GABBR1: variants seen among roughly 807,000 people sequenced by gnomAD.
GABBR1 encodes the protein gamma-aminobutyric acid type B receptor subunit 1.
In GABBR1, 35 loss-of-function variants were observed where a neutral mutation model predicts 117.7. That is an observed-to-expected ratio of 0.30 (90% confidence interval 0.23 to 0.39). The LOEUF is 0.39. GABBR1 is among the 10% of genes least tolerant of loss of function. The pLI, the probability that GABBR1 is intolerant of heterozygous loss-of-function variation, is 1.00. For missense variants in GABBR1, 709 were observed against 1,241.8 expected (o/e 0.57, Z 6.45); for synonymous variants, 442 against 486.6 (o/e 0.91, Z 1.21).
In GABBR1 at chr6:29,627,440, G is replaced by T. The variant is rs1562120724; in HGVS notation, c.657+46C>A. 9 of 1,366,110 alleles carry T rather than the reference G, an allele frequency of 6.6e-6. No homozygotes were observed. The highest frequency in any genetic ancestry group is 7.1e-6 in the Non-Finnish European group (7 of 989,506). The allele number at this position is 1,366,110 out of a possible 1,614,324, so 84.6% of individuals were successfully genotyped here. ...GGCGCGTGCAGCTGGCTGGCCCCCT[G>T]CCCCGCAAGCCCCCACCTCCCACCC... On this transcript the variant is annotated intron_variant, in intron 6 of 22. Transcript: ENST00000377034. The surrounding 1 kb of genome is among the most constrained non-coding windows in gnomAD (Gnocchi z 4.4).
chr6:29,615,032 T>G (rs1762933685), intron 11 of GABBR1, among the ~76,000 whole-genome samples: 1 of 134,470 alleles, frequency 7.4e-6, no homozygotes, highest in Non-Finnish European at 1.6e-5. Flanking sequence ...ACACCTTTAA[T>G]CCTAGCACTT....
At position 29,606,292 on chromosome 6, in the gene GABBR1, C is replaced by A; in HGVS notation, c.2311+99G>T. The A allele has an allele frequency of 1.2e-6, 1 of 822,360 alleles. No individual in the cohort carries two copies. The allele number at this position is 822,360 out of a possible 1,614,324, so 50.9% of individuals were successfully genotyped here. ...TCAAACTGGGTTGACAAGCTCTCTA[C>A]CTCCTCTTCCAAAGACCCCTCTCCC... On this transcript the variant is annotated intron_variant, in intron 19 of 22. Transcript: ENST00000377034. The surrounding 1 kb of genome is among the most constrained non-coding windows in gnomAD (Gnocchi z 4.5).
At chr6:29,615,620 A>AAAAT (rs1763002960) in intron 11 of GABBR1, among the ~76,000 whole-genome samples, 1 of 151,716 alleles carries the variant, frequency 6.6e-6, no homozygotes, top group South Asian at 2.1e-4. Flanking sequence ...AAAAAAAAAA[A>AAAAT]AAAAAAAAGG....
rs1362045271 is a variant in GABBR1 at position 29,607,231 on chromosome 6, A to G, written c.1993-13T>C. On this transcript the variant is annotated splice_polypyrimidine_tract_variant and intron_variant, in intron 16 of 22. Coordinates refer to ENST00000377034, the MANE Select transcript of GABBR1 (RefSeq NM_001470.4). This position sits in a 1 kb window ranked among gnomAD's most constrained non-coding sequence, Gnocchi z 5.0. The stretch of plus-strand genomic sequence containing the variant: ...GCCAGAGGCGGGCCTAGAAAGGAAG[A>G]GAGGGCACAGGCAGAACAGGGTAGA... 6.2e-7 allele frequency: 1 copy of G among 1,603,278 alleles called. No homozygotes were observed. Among genetic ancestry groups the G allele is most frequent in the Non-Finnish European group, 8.5e-7 (1 of 1,170,346 alleles).
At position 29,605,946 on chromosome 6, in the gene GABBR1, G is replaced by A; in HGVS notation, c.2312-250C>T. On this transcript the variant is annotated intron_variant, in intron 19 of 22. Coordinates refer to ENST00000377034, the MANE Select transcript of GABBR1 (RefSeq NM_001470.4). This position sits in a 1 kb window ranked among gnomAD's most constrained non-coding sequence, Gnocchi z 4.2. Reference sequence around the variant, plus strand: ...ATGGTGGCAAGCTGCTGTCAGTCAGGCAAGGGCTTGTTGAATATCTAGAAA... The same window carrying A: ...ATGGTGGCAAGCTGCTGTCAGTCAGACAAGGGCTTGTTGAATATCTAGAAA... 1.7e-6 allele frequency: 1 copy of A among 576,682 alleles called. No homozygotes were observed. The highest frequency in any genetic ancestry group is 3.1e-6 in the Non-Finnish European group (1 of 323,686). 35.7% of individuals were successfully genotyped at this position (576,682 alleles called of 1,614,324 possible).
rs113365955 is a variant in GABBR1, at chr6:29,630,170, G to A, written c.475+288C>T. The A allele has an allele frequency of 7.9e-4, 309 of 393,594 alleles. 1 individual carries two copies. The highest frequency in any genetic ancestry group is 5.0e-3 in the African/African-American group (248 of 50,054). 24.4% of individuals were successfully genotyped at this position (393,594 alleles called of 1,614,324 possible). ...ATTTAAACCTGAAGAAGGTGAGAGA[G>A]GTGAGATTCATAAAGGAAAAGAGAA... On this transcript the variant is annotated intron_variant, in intron 4 of 22. Coordinates refer to ENST00000377034, the MANE Select transcript of GABBR1 (RefSeq NM_001470.4). The surrounding 1 kb of genome is among the most constrained non-coding windows in gnomAD (Gnocchi z 4.9).
intron 4 of GABBR1, 170 bp from the exon 5 acceptor site, chr6:29,629,277 G>A (rs759037162): frequency 5.4e-6 from 4 of 745,702 alleles, no homozygotes; most frequent in Middle Eastern, 2.2e-4. Flanking sequence ...GGGTCTGGGG[G>A]TAAGGGGGTC....
In GABBR1 at chr6:29,621,796, C is replaced by T; in HGVS notation, c.1087G>A (p.Val363Met). The T allele has an allele frequency of 1.2e-6, 2 of 1,614,148 alleles. No individual in the cohort carries two copies. The highest frequency in any genetic ancestry group is 1.7e-6 in the Non-Finnish European group (2 of 1,180,018). Residue 363 changes from valine (V) to methionine (M), a missense_variant, in exon 10 of 23, where the codon GTG (valine) becomes ATG (methionine). By Grantham distance (21) the Val-to-Met change is conservative. This residue lies in a region of GABBR1 where 192 missense variants were observed against 418.4 expected (regional missense o/e 0.46). Coordinates refer to ENST00000377034, the MANE Select transcript of GABBR1 (RefSeq NM_001470.4). The surrounding 1 kb of genome is among the most constrained non-coding windows in gnomAD (Gnocchi z 5.0). Reference sequence around the variant, plus strand: ...GCTTCAGTCTCATAGAAAAGTCCCACGATGATTCGGGCATCCTGGCGCTAC... The same window carrying T: ...GCTTCAGTCTCATAGAAAAGTCCCATGATGATTCGGGCATCCTGGCGCTAC... ...NLKRQDARII[V>M]GLFYETEARK...
Position 29,602,863 on chromosome 6 carries a change from T to G in GABBR1, c.*680A>C. On this transcript the variant is annotated 3_prime_UTR_variant, in exon 23 of 23. Transcript: ENST00000377034. ...TGAATGCAGGGCACCCGAGAGCACA[T>G]GTGACTGAACATGAAGAAAGCATAC... is the stretch of plus-strand genomic sequence containing the variant. 2.7e-6 allele frequency: 1 copy of G among 372,828 alleles called. No individual in the cohort carries two copies. Among genetic ancestry groups the G allele is most frequent in the African/African-American group, 2.1e-5 (1 of 47,276 alleles). The allele number at this position is 372,828 out of a possible 1,614,324, so 23.1% of individuals were successfully genotyped here. A position where few individuals can be genotyped will look rare whatever the true frequency, so the allele number is the denominator to read the frequency against.
At position 29,609,624 on chromosome 6, in the gene GABBR1, T is replaced by C. The variant is rs1022092202; in HGVS notation, c.1709-245A>G. 6.6e-6 allele frequency among the ~76,000 whole-genome samples: 1 copy of C among 152,164 alleles called. No homozygotes were observed. The highest frequency in any genetic ancestry group is 2.4e-5 in the African/African-American group (1 of 41,438). On this transcript the variant is annotated intron_variant, in intron 14 of 22. Transcript: ENST00000377034. This position sits in a 1 kb window ranked among gnomAD's most constrained non-coding sequence, Gnocchi z 4.3. ...GAAGATGGAGTGAATGGTCTATCCA[T>C]AGGTTGGGAAATGCTGAGGCATGTC... is the stretch of plus-strand genomic sequence containing the variant.
chr6:29,621,803 T>A lies in GABBR1; in HGVS notation c.1080A>T (p.Arg360=), dbSNP rs1763777181. Residue 360 remains arginine (R), a synonymous_variant, in exon 10 of 23, where the codon CGA becomes CGT. Transcript: ENST00000377034. This position sits in a 1 kb window ranked among gnomAD's most constrained non-coding sequence, Gnocchi z 5.0. The part of the protein sequence containing the change: ...PVKNLKRQDA[R]IIVGLFYETE... ...TCTCATAGAAAAGTCCCACGATGAT[T>A]CGGGCATCCTGGCGCTACAACAGAG... 2 of 1,613,980 alleles carry A rather than the reference T, an allele frequency of 1.2e-6. No homozygotes were observed. Among genetic ancestry groups the A allele is most frequent in the Non-Finnish European group, 1.7e-6 (2 of 1,180,026 alleles).
chr6:29,623,185 A>T lies in GABBR1; in HGVS notation c.963+120T>A. 1 of 865,020 alleles carries T rather than the reference A, an allele frequency of 1.2e-6. No homozygotes were observed. The highest frequency in any genetic ancestry group is 2.5e-4 in the Middle Eastern group (1 of 4,040). 53.6% of individuals were successfully genotyped at this position (865,020 alleles called of 1,614,324 possible). ...AAAGAACTGCACTTAATCCACATGG[A>T]ATGCGTTCTCTTTCAATGAAGAATC... On this transcript the variant is annotated intron_variant, in intron 8 of 22. Transcript: ENST00000377034. The surrounding 1 kb of genome is among the most constrained non-coding windows in gnomAD (Gnocchi z 6.2).
At chr6:29,617,301 C>CTTTTTTTTTT (rs373993426) in intron 11 of GABBR1, among the ~76,000 whole-genome samples, 8 of 119,860 alleles carry the variant, frequency 6.7e-5, no homozygotes, top group African/African-American at 9.4e-5. Context: ...TTCTTTCTTT[C>CTTTTTTTTTT]TTTTTTTTTT....
chr6:29,610,247 A>G (rs542974993), intron 14 of GABBR1, among the ~76,000 whole-genome samples: 1 of 152,076 alleles, frequency 6.6e-6, no homozygotes, highest in South Asian at 2.1e-4. Flanking sequence ...ATGTCCTATC[A>G]TTTAGACCAA....
chr6:29,622,269 A>T lies in GABBR1; in HGVS notation c.964-64T>A. 2 of 1,082,050 alleles carry T rather than the reference A, an allele frequency of 1.8e-6. No individual in the cohort carries two copies. The highest frequency in any genetic ancestry group is 2.8e-6 in the Non-Finnish European group (2 of 704,240). The allele number at this position is 1,082,050 out of a possible 1,614,324, so 67.0% of individuals were successfully genotyped here. ...GTGCATGAGGGAATAAAGACCAGAGAGGTTAACTGGGGATTTCAGAGCAAT... is the reference window on the plus strand; with the variant it reads ...GTGCATGAGGGAATAAAGACCAGAGTGGTTAACTGGGGATTTCAGAGCAAT... On this transcript the variant is annotated intron_variant, in intron 8 of 22. Transcript: ENST00000377034. This position sits in a 1 kb window ranked among gnomAD's most constrained non-coding sequence, Gnocchi z 4.6.
At chr6:29,626,868 C>G (rs1401763758) in intron 6 of GABBR1, among the ~76,000 whole-genome samples, 1 of 152,060 alleles carries the variant, frequency 6.6e-6, no homozygotes, top group Non-Finnish European at 1.5e-5. Flanking sequence ...TTAGCCTTCC[C>G]CAATCACCAT....
At position 29,632,490 on chromosome 6, in the gene GABBR1, C is replaced by G. The variant is rs1002136988; in HGVS notation, c.1-105G>C. On this transcript the variant is annotated intron_variant, in intron 1 of 22. Transcript: ENST00000377034. This position sits in a 1 kb window ranked among gnomAD's most constrained non-coding sequence, Gnocchi z 5.8. ...GGTTGCCTCGCAGGCTCCGACCGGG[C>G]TCAGCCTGGGGACCAAGAGAGCGCC... 9.3e-7 allele frequency: 1 copy of G among 1,079,742 alleles called. No homozygotes were observed. Among genetic ancestry groups the G allele is most frequent in the Non-Finnish European group, 1.2e-6 (1 of 804,648 alleles). 66.9% of individuals were successfully genotyped at this position (1,079,742 alleles called of 1,614,324 possible).
At chr6:29,618,388 T>TA (rs1474671392) in intron 11 of GABBR1, among the ~76,000 whole-genome samples, 1 of 152,314 alleles carries the variant, frequency 6.6e-6, no homozygotes, top group Admixed American at 6.5e-5. Flanking sequence ...TCAGTAAAGA[T>TA]ACAGTTATAG....
At position 29,606,856 on chromosome 6, in the gene GABBR1, T is replaced by G. The variant is rs754921467; in HGVS notation, c.2217+41A>C. On this transcript the variant is annotated intron_variant, in intron 18 of 22. Coordinates refer to ENST00000377034, the MANE Select transcript of GABBR1 (RefSeq NM_001470.4). This position sits in a 1 kb window ranked among gnomAD's most constrained non-coding sequence, Gnocchi z 4.5. Reference sequence around the variant, plus strand: ...CAGGGCCCTGATGGCCACTGAGCCCTGCTCATTCTCCTGACCATAGCACCT... The same window carrying G: ...CAGGGCCCTGATGGCCACTGAGCCCGGCTCATTCTCCTGACCATAGCACCT... The G allele has an allele frequency of 6.4e-7, 1 of 1,556,072 alleles. No individual in the cohort carries two copies. The highest frequency in any genetic ancestry group is 8.9e-7 in the Non-Finnish European group (1 of 1,128,034).
Sources: gnomAD v4.1 joint callset for allele counts (sites outside exome capture counted in the v4.1 genomes callset) on GRCh38, gnomAD v4.1.1 for gene constraint, gnomAD v4.1.1 regional missense constraint, Gnocchi (gnomAD v3.1) non-coding constraint, MANE v1.5 for transcripts, NCBI Gene and HGNC (gene_info 2026-07-23, HGNC 2026-07-21) for gene names.